Variants in SRGAP3 observed in about 807,000 individuals in gnomAD.
SRGAP3 encodes SLIT-ROBO Rho GTPase-activating protein 3.
A neutral mutation model predicts 121.1 loss-of-function variants in SRGAP3; 39 were observed. The ratio of observed to expected loss-of-function variants is 0.32; its 90% CI spans 0.25 to 0.42. SRGAP3 has a LOEUF of 0.42. Ranked by LOEUF, SRGAP3 falls within the 10% of genes least tolerant of loss-of-function variation. The pLI, the probability that SRGAP3 is intolerant of heterozygous loss-of-function variation, is 1.00. For synonymous variants in SRGAP3, 601 were observed against 570.0 expected, an observed-to-expected ratio of 1.05 and a Z score of -0.77; for missense variants, 1,213 against 1,470.6, an observed-to-expected ratio of 0.82 and a Z score of 2.86.
upstream of SRGAP3, among the ~76,000 whole-genome samples, chr3:9,252,193 G>A (rs1954033092): frequency 1.3e-5 from 2 of 152,064 alleles, no homozygotes; most frequent in Admixed American, 6.5e-5. Context: ...CATGTGATAT[G>A]CCTGCACCTT....
chr3:9,239,997 C>T lies in SRGAP3; in HGVS notation c.67+8888G>A, dbSNP rs900332226. Reference sequence around the variant, plus strand: ...ACACAATCAAGTAAGTTTGAGGAAACTCCATGGGCCCTACTGAGCGATTCA... The same window carrying T: ...ACACAATCAAGTAAGTTTGAGGAAATTCCATGGGCCCTACTGAGCGATTCA... On this transcript the variant is annotated intron_variant, in intron 1 of 21. Coordinates refer to ENST00000383836, the MANE Select transcript of SRGAP3 (RefSeq NM_014850.4). This position sits in a 1 kb window ranked among gnomAD's most constrained non-coding sequence, Gnocchi z 4.0. 1.3e-5 allele frequency among the ~76,000 whole-genome samples: 2 copies of T among 152,164 alleles called. No individual in the cohort carries two copies. Among genetic ancestry groups the T allele is most frequent in the African/African-American group, 2.4e-5 (1 of 41,438 alleles).
intron 11 of SRGAP3, 67 bp from the exon 12 acceptor site, chr3:9,032,819 C>T (rs746671602): frequency 1.5e-5 from 21 of 1,415,202 alleles, no homozygotes; most frequent in Non-Finnish European, 2.0e-5. Flanking sequence ...GGGAAAGATG[C>T]TCTTAAAACC....
At chr3:9,127,151 G>A (rs951739238) in intron 1 of SRGAP3, among the ~76,000 whole-genome samples, 2 of 147,650 alleles carry the variant, frequency 1.4e-5, no homozygotes, top group East Asian at 2.0e-4. Context: ...GGGAGACCTC[G>A]TCTCCATAAA....
chr3:9,064,861 T>TAAATAAATAAATA (rs112590835), intron 4 of SRGAP3, among the ~76,000 whole-genome samples: 1 of 149,732 alleles, frequency 6.7e-6, no homozygotes, highest in African/African-American at 2.5e-5. Flanking sequence ...TAAAAAATAA[T>TAAATAAATAAATA]AATAAATAAA....
chr3:9,172,093 CTTT>C (rs1553684903), intron 1 of SRGAP3, among the ~76,000 whole-genome samples: 7 of 90,158 alleles, frequency 7.8e-5, no homozygotes, highest in Non-Finnish European at 1.8e-4. Flanking sequence ...TTTTTCTTTT[CTTT>C]TTTTTTTTTT....
chr3:8,985,976 G>C lies in SRGAP3; in HGVS notation c.2887-44C>G. 1 of 1,599,414 alleles carries C rather than the reference G, an allele frequency of 6.3e-7. No homozygotes were observed. The highest frequency in any genetic ancestry group is 2.2e-5 in the East Asian group (1 of 44,886). On this transcript the variant is annotated intron_variant, in intron 21 of 21. Coordinates refer to ENST00000383836, the MANE Select transcript of SRGAP3 (RefSeq NM_014850.4). This position sits in a 1 kb window ranked among gnomAD's most constrained non-coding sequence, Gnocchi z 5.1. ...GGGGTCAGCACAGTCTGGAGACCTG[G>C]AGTCAGGTCCTTCCTGTCTGCTAAG...
chr3:9,358,312 C>G (rs2030625135), intron 1 of SRGAP3, among the ~76,000 whole-genome samples: 2 of 151,880 alleles, frequency 1.3e-5, no homozygotes, highest in African/African-American at 4.8e-5. Flanking sequence ...TTGAATATTT[C>G]ATATGAATAA....
intron 1 of SRGAP3, among the ~76,000 whole-genome samples, chr3:9,150,371 G>A (rs1332551677): frequency 6.6e-6 from 1 of 152,032 alleles, no homozygotes; most frequent in African/African-American, 2.4e-5. Context: ...AGCCTGGAGA[G>A]GCCAGCACCG....
At chr3:9,290,080 C>T (rs1954846166) in intron 3 of SRGAP3, among the ~76,000 whole-genome samples, 1 of 152,056 alleles carries the variant, frequency 6.6e-6, no homozygotes. Flanking sequence ...CACTGCACTC[C>T]AGCCTGGGCG....
At chr3:9,162,729 C>T (rs1950639338) in intron 1 of SRGAP3, among the ~76,000 whole-genome samples, 1 of 152,242 alleles carries the variant, frequency 6.6e-6, no homozygotes, top group African/African-American at 2.4e-5. Context: ...AGCCCAGCAG[C>T]ATGGCTGGAC....
intron 1 of SRGAP3, among the ~76,000 whole-genome samples, chr3:9,201,972 C>T (rs73019396): frequency 0.047 from 7,082 of 152,090 alleles, 187 homozygotes; most frequent in African/African-American, 0.053. Context: ...AGGCTTCAAA[C>T]TCAGGCCTTT....
In SRGAP3 at chr3:9,194,903, C is replaced by G. The variant is rs562318916; in HGVS notation, c.67+53982G>C. ...GGTGGTGGCTACCAGTGGCTCACAG[C>G]TGCCCTGTCCTCTGGAGAATTGCCA... is the stretch of plus-strand genomic sequence containing the variant. On this transcript the variant is annotated intron_variant, in intron 1 of 21. Coordinates refer to ENST00000383836, the MANE Select transcript of SRGAP3 (RefSeq NM_014850.4). Among the ~76,000 whole-genome samples the G allele has an allele frequency of 4.6e-5, 7 of 152,360 alleles. No homozygotes were observed. In the South Asian group the frequency reaches 1.5e-3, roughly 32 times the overall value.
intron 3 of SRGAP3, among the ~76,000 whole-genome samples, chr3:9,273,243 G>T (rs1954513227): frequency 6.6e-6 from 1 of 152,150 alleles, no homozygotes; most frequent in South Asian, 2.1e-4. Flanking sequence ...GGGTGGTAAT[G>T]CTCACTCACC....
intron 9 of SRGAP3, chr3:9,049,459 T>C (rs757750686): frequency 2.2e-6 from 1 of 456,078 alleles, no homozygotes; most frequent in African/African-American, 2.0e-5. Flanking sequence ...GAAAACATCA[T>C]CAGGCCCCTT....
intron 9 of SRGAP3, chr3:9,049,231 TAAGA>T (rs1360008848): frequency 2.5e-5 from 9 of 360,410 alleles, no homozygotes; most frequent in African/African-American, 1.7e-4. Context: ...CATACACAAA[TAAGA>T]CTGGGGTCAC....
chr3:9,125,173 T>C (rs941550651), intron 1 of SRGAP3, among the ~76,000 whole-genome samples: 3 of 152,238 alleles, frequency 2.0e-5, no homozygotes, highest in African/African-American at 7.2e-5. Context: ...ACCACGATTT[T>C]TGCCATATTC....
chr3:9,154,978 T>C (rs1299213942), intron 1 of SRGAP3, among the ~76,000 whole-genome samples: 1 of 150,784 alleles, frequency 6.6e-6, no homozygotes, highest in Non-Finnish European at 1.5e-5. Context: ...GGCTCAGAGG[T>C]GGTTTGTTTT....
intron 1 of SRGAP3, among the ~76,000 whole-genome samples, chr3:9,204,400 G>A (rs541246838): frequency 1.2e-4 from 18 of 152,254 alleles, no homozygotes; most frequent in East Asian, 1.9e-4. Flanking sequence ...CTGCCACCCC[G>A]CTCACTCCTG....
chr3:9,107,726 C>T (rs114112020), intron 2 of SRGAP3, among the ~76,000 whole-genome samples: 1,757 of 152,330 alleles, frequency 0.012, 10 homozygotes, highest in Non-Finnish European at 0.018. Flanking sequence ...TTTTAACAAA[C>T]TCTCAAGGTG....
Sources: allele counts gnomAD v4.1 joint callset (sites outside exome capture counted in the v4.1 genomes callset), GRCh38; gene constraint gnomAD v4.1.1; non-coding constraint Gnocchi (gnomAD v3.1); transcripts MANE v1.5; gene names NCBI Gene and HGNC (gene_info 2026-07-23, HGNC 2026-07-21).